Variants in TEAD1 observed in about 807,000 individuals in gnomAD.
TEAD1 encodes TEA domain transcription factor 1, also known as transcriptional enhancer factor TEF-1.
In TEAD1, 9 loss-of-function variants were observed where a neutral mutation model predicts 54.9. The observed-to-expected ratio is 0.16, with a 90% CI of 0.10 to 0.29. The LOEUF is 0.29. Ranked by LOEUF, TEAD1 falls within the 10% of genes least tolerant of loss-of-function variation. TEAD1 has a pLI of 1.00. For synonymous variants in TEAD1, 200 were observed against 187.8 expected (o/e 1.07, Z -0.53); for missense variants, 387 against 535.9 (o/e 0.72, Z 2.74).
At chr11:12,882,071 G>A in intron 8 of TEAD1, 114 bp downstream of exon 8, 1 of 1,147,506 alleles carries the variant, frequency 8.7e-7, no homozygotes, top group Non-Finnish European at 1.3e-6. Context: ...GCCGCACATT[G>A]CCCCTGACTT....
At chr11:12,685,662 CT>C (rs1470254448) in intron 2 of TEAD1, among the ~76,000 whole-genome samples, 1 of 152,172 alleles carries the variant, frequency 6.6e-6, no homozygotes, top group African/African-American at 2.4e-5. Flanking sequence ...AACTTTTTTA[CT>C]TTAGAAATAA....
At chr11:12,770,091 G>C (rs1319585007) in intron 3 of TEAD1, among the ~76,000 whole-genome samples, 2 of 152,108 alleles carry the variant, frequency 1.3e-5, no homozygotes, top group Non-Finnish European at 2.9e-5. Flanking sequence ...AAAGATTTCT[G>C]CACAAAATAT....
intron 2 of TEAD1, among the ~76,000 whole-genome samples, chr11:12,705,460 C>T (rs1018880980): frequency 3.3e-5 from 5 of 152,200 alleles, no homozygotes; most frequent in Non-Finnish European, 5.9e-5. Flanking sequence ...TTTGCTCTTA[C>T]CATCCACCTT....
intron 3 of TEAD1, among the ~76,000 whole-genome samples, chr11:12,788,522 T>G (rs1047384728): frequency 3.9e-5 from 6 of 152,218 alleles, no homozygotes; most frequent in Non-Finnish European, 5.9e-5. Context: ...AACAGATTTG[T>G]AAATTTTTGG....
chr11:12,677,593 T>C (rs1189906863), intron 2 of TEAD1, among the ~76,000 whole-genome samples: 2 of 152,216 alleles, frequency 1.3e-5, no homozygotes, highest in Middle Eastern at 3.2e-3. Flanking sequence ...GTTCTTAGAA[T>C]ACAGAGCAAC....
intron 5 of TEAD1, among the ~76,000 whole-genome samples, chr11:12,878,087 G>A (rs1371954965): frequency 6.6e-6 from 1 of 152,112 alleles, no homozygotes; most frequent in African/African-American, 2.4e-5. Flanking sequence ...GATTATAGGT[G>A]TGAGCAGCCA....
intron 2 of TEAD1, among the ~76,000 whole-genome samples, chr11:12,758,928 G>A (rs1347563582): frequency 6.6e-6 from 1 of 152,202 alleles, no homozygotes; most frequent in Non-Finnish European, 1.5e-5. Context: ...AGGCATACTG[G>A]AGCTACAGGT....
intron 2 of TEAD1, among the ~76,000 whole-genome samples, chr11:12,716,659 A>G (rs541510727): frequency 1.1e-4 from 17 of 152,230 alleles, no homozygotes; most frequent in Non-Finnish European, 2.2e-4. Context: ...GCCATAGACA[A>G]CATGAAAACC....
At chr11:12,778,971 ATGT>A (rs778177174) in intron 3 of TEAD1, among the ~76,000 whole-genome samples, 2 of 152,190 alleles carry the variant, frequency 1.3e-5, no homozygotes, top group Non-Finnish European at 2.9e-5. Flanking sequence ...TACACCTGAG[ATGT>A]TGTGAACTAG....
intron 3 of TEAD1, among the ~76,000 whole-genome samples, chr11:12,775,968 G>C (rs1945408221): frequency 6.7e-6 from 1 of 149,104 alleles, no homozygotes; most frequent in African/African-American, 2.6e-5. Flanking sequence ...GTGTTTACTG[G>C]CGGCGGGGGG....
chr11:12,846,248 C>T (rs1320759838), intron 3 of TEAD1, among the ~76,000 whole-genome samples: 2 of 151,970 alleles, frequency 1.3e-5, no homozygotes, highest in African/African-American at 4.8e-5. Flanking sequence ...CCGCCCTCCC[C>T]CACCCCCCAG....
At chr11:12,746,902 G>A (rs920638078) in intron 2 of TEAD1, among the ~76,000 whole-genome samples, 7 of 152,196 alleles carry the variant, frequency 4.6e-5, no homozygotes, top group East Asian at 3.9e-4. Context: ...CAGACCAGGC[G>A]GGCTGGGGGT....
intron 2 of TEAD1, among the ~76,000 whole-genome samples, chr11:12,681,433 G>A (rs963765640): frequency 2.0e-5 from 3 of 152,144 alleles, no homozygotes; most frequent in African/African-American, 7.2e-5. Context: ...TTGAAATCAG[G>A]GAATGTGCCA....
chr11:12,917,481 A>G (rs1005233889), intron 10 of TEAD1, among the ~76,000 whole-genome samples: 1 of 152,254 alleles, frequency 6.6e-6, no homozygotes, highest in Non-Finnish European at 1.5e-5. Context: ...GAAAATTAAT[A>G]TAACAGAAAA....
chr11:12,936,462 A>G (rs1490554566), intron 12 of TEAD1, among the ~76,000 whole-genome samples: 2 of 152,204 alleles, frequency 1.3e-5, no homozygotes, highest in African/African-American at 4.8e-5. Context: ...TGGTTAACAT[A>G]GTGGTGAGGG....
chr11:12,936,599 G>C (rs4757067), intron 12 of TEAD1, among the ~76,000 whole-genome samples: 24,347 of 152,134 alleles, frequency 0.16, 2,214 homozygotes, highest in East Asian at 0.4. Context: ...GAAGTGCTTG[G>C]TATGTTAGCC....
chr11:12,877,974 T>TTG (rs1554945002), intron 5 of TEAD1, among the ~76,000 whole-genome samples: 2 of 150,746 alleles, frequency 1.3e-5, no homozygotes, highest in East Asian at 2.0e-4. Context: ...ATTTTTTTTT[T>TTG]TGTGTGTGTG....
In TEAD1 at chr11:12,943,969, A is replaced by G. The variant is rs1039670715; in HGVS notation, c.*6747A>G. The stretch of plus-strand genomic sequence containing the variant: ...ACAAAAAAAAAATTTGTAACATTTA[A>G]AAAAGAAACCTGAATAGCCTTTAAT... On this transcript the variant is annotated 3_prime_UTR_variant, in exon 13 of 13. Transcript: ENST00000527636. 2.0e-5 allele frequency: 3 copies of G among 152,668 alleles called. No individual in the cohort carries two copies. Among genetic ancestry groups the G allele is most frequent in the Non-Finnish European group, 2.9e-5 (2 of 68,050 alleles). The allele number at this position is 152,668 out of a possible 1,614,324, so 9.5% of individuals were successfully genotyped here. A position where few individuals can be genotyped will look rare whatever the true frequency, so the allele number is the denominator to read the frequency against.
chr11:12,739,070 G>A (rs1386153499), intron 2 of TEAD1, among the ~76,000 whole-genome samples: 10 of 152,224 alleles, frequency 6.6e-5, no homozygotes, highest in Non-Finnish European at 7.3e-5. Flanking sequence ...AAAGATACAA[G>A]GGGTGACTCT....
Sources: gnomAD v4.1 joint callset for allele counts (sites outside exome capture counted in the v4.1 genomes callset) on GRCh38, gnomAD v4.1.1 for gene constraint, MANE v1.5 for transcripts, NCBI Gene and HGNC (gene_info 2026-07-23, HGNC 2026-07-21) for gene names.